ZNF223: variants seen among roughly 807,000 people sequenced by gnomAD.
ZNF223 encodes the protein zinc finger protein 223.
ZNF223 carries 9 observed loss-of-function variants against 12.3 expected under a neutral mutation model. The ratio of observed to expected loss-of-function variants is 0.73; its 90% CI spans 0.44 to 1.28. ZNF223 has a LOEUF of 1.28. Among genes scored for constraint, ZNF223 ranks in the 50% most tolerant of loss-of-function variants. The probability of loss-of-function intolerance (pLI) is 0.00; values close to 1 mark genes in which losing one functional copy is unlikely to be tolerated. For missense variants in ZNF223, 506 were observed against 579.0 expected (o/e 0.87, Z 1.29); for synonymous variants, 171 against 195.2 (o/e 0.88, Z 1.03).
intron 4 of ZNF223, among the ~76,000 whole-genome samples, chr19:44,061,293 A>T (rs1488388415): frequency 6.6e-6 from 1 of 152,188 alleles, no homozygotes; most frequent in Non-Finnish European, 1.5e-5. Flanking sequence ...AACTTAGATG[A>T]TTAAATAAGA....
intron 1 of ZNF223, among the ~76,000 whole-genome samples, chr19:44,053,230 G>A (rs1976723960): frequency 6.6e-6 from 1 of 152,118 alleles, no homozygotes; most frequent in African/African-American, 2.4e-5. Flanking sequence ...CCAGGGGACC[G>A]GCGCTCAGCA....
At chr19:44,062,569 C>T (rs1234929252) in intron 4 of ZNF223, among the ~76,000 whole-genome samples, 1 of 151,802 alleles carries the variant, frequency 6.6e-6, no homozygotes, top group African/African-American at 2.4e-5. Context: ...CCATTTTCAA[C>T]TTTCTTAGGT....
chr19:44,060,865 C>G (rs753684940), intron 4 of ZNF223, 24 bp downstream of exon 4: 2 of 1,596,616 alleles, frequency 1.3e-6, no homozygotes, highest in South Asian at 2.2e-5. Context: ...AACTGTGTGT[C>G]CTTGTTTGTG....
chr19:44,064,073 G>A (rs979228025), intron 4 of ZNF223, among the ~76,000 whole-genome samples: 2 of 152,156 alleles, frequency 1.3e-5, no homozygotes, highest in Non-Finnish European at 2.9e-5. Context: ...ACCTCTTTCA[G>A]TATAACCTGG....
chr19:44,066,368 G>C lies in ZNF223; in HGVS notation c.540G>C (p.Glu180Asp). The stretch of plus-strand genomic sequence containing the variant: ...CAGAGAAGTCTCATTCCTGTGATGA[G>C]TGTGGAAAAAGCTTCTGTTACATCT... ...RSAEKSHSCD[E>D]CGKSFCYISA... is the part of the protein sequence containing the mutation. The change falls in exon 5 of 5, where the codon GAG becomes GAC. Residue 180 changes from glutamate (E) to aspartate (D), a missense_variant. Physicochemically the swap from Glu to Asp is conservative, Grantham distance 45. Coordinates refer to ENST00000434772, the MANE Select transcript of ZNF223 (RefSeq NM_013361.6). The C allele has an allele frequency of 1.2e-6, 2 of 1,614,236 alleles. No individual in the cohort carries two copies. Among genetic ancestry groups the C allele is most frequent in the African/African-American group, 1.3e-5 (1 of 75,064 alleles).
chr19:44,055,069 C>A lies in ZNF223; in HGVS notation c.-68-40C>A, dbSNP rs10164320. The stretch of plus-strand genomic sequence containing the variant: ...GTTGGTGGGTGACATCCCTGGCCAC[C>A]CTTTCATGTCTCTTTTTCTGTCTTC... On this transcript the variant is annotated intron_variant, in intron 1 of 4. Coordinates refer to ENST00000434772, the MANE Select transcript of ZNF223 (RefSeq NM_013361.6). 5.8e-3 allele frequency: 6,454 copies of A among 1,109,838 alleles called. 254 individuals are homozygous for A. In the African/African-American group the frequency reaches 0.088, roughly 15 times the overall value. 68.7% of individuals were successfully genotyped at this position (1,109,838 alleles called of 1,614,324 possible).
intron 1 of ZNF223, among the ~76,000 whole-genome samples, chr19:44,052,834 T>A (rs1976719373): frequency 6.6e-6 from 1 of 151,870 alleles, no homozygotes; most frequent in African/African-American, 2.4e-5. Context: ...GTAGATAATA[T>A]TGGATATTAT....
At chr19:44,057,631 C>G (rs754003640) in intron 2 of ZNF223, among the ~76,000 whole-genome samples, 1 of 152,174 alleles carries the variant, frequency 6.6e-6, no homozygotes, top group Admixed American at 6.5e-5. Flanking sequence ...AGAGAGGGAA[C>G]AAGCCTTGTA....
At chr19:44,053,322 T>C (rs1482659656) in intron 1 of ZNF223, among the ~76,000 whole-genome samples, 1 of 152,060 alleles carries the variant, frequency 6.6e-6, no homozygotes, top group Admixed American at 6.6e-5. Flanking sequence ...GTGAGGGGGA[T>C]GTGGAAGGAC....
intron 4 of ZNF223, among the ~76,000 whole-genome samples, chr19:44,061,196 A>G (rs1368088396): frequency 1.3e-5 from 2 of 152,038 alleles, no homozygotes; most frequent in Non-Finnish European, 2.9e-5. Flanking sequence ...CTCATTCTCC[A>G]TCTTTTCTGG....
At position 44,060,757 on chromosome 19, in the gene ZNF223, C is replaced by A; in HGVS notation, c.151C>A (p.Pro51Thr). ...FRNLLSVGHQ[P>T]FHRDTFHFLR... ...ACTTTTCCTGTTTACAGGGCATCAA[C>A]CATTCCACCGAGATACTTTCCACTT... The change falls in exon 4 of 5, where the codon CCA (proline) becomes ACA (threonine). Residue 51 changes from proline to threonine, a missense_variant. Physicochemically the swap from Pro to Thr is conservative, Grantham distance 38. Coordinates refer to ENST00000434772, the MANE Select transcript of ZNF223 (RefSeq NM_013361.6). 1 of 1,612,740 alleles carries A rather than the reference C, an allele frequency of 6.2e-7. No individual in the cohort carries two copies. Among genetic ancestry groups the A allele is most frequent in the Non-Finnish European group, 8.5e-7 (1 of 1,179,606 alleles).
Position 44,066,752 on chromosome 19 carries a change from G to C in ZNF223, c.924G>C (p.Val308=). The C allele has an allele frequency of 6.2e-7, 1 of 1,614,162 alleles. No individual in the cohort carries two copies. The highest frequency in any genetic ancestry group is 1.1e-5 in the South Asian group (1 of 91,086). The part of the protein sequence containing the change: ...RLRSSLNRHC[V]VHTGKKPNST... The stretch of plus-strand genomic sequence containing the variant: ...GGTCAAGTCTTAATAGGCATTGTGT[G>C]GTCCACACAGGAAAGAAACCAAACA... The change falls in exon 5 of 5, where the codon GTG becomes GTC. Residue 308 remains valine, a synonymous_variant. Transcript: ENST00000434772.
chr19:44,051,741 C>T (rs1239552105), upstream of ZNF223: 2 of 152,210 alleles, frequency 1.3e-5, no homozygotes, highest in Admixed American at 6.5e-5. Context: ...GGACATTTTC[C>T]TTTTGCATCT....
In ZNF223 at chr19:44,056,585, ATTTTTTT is replaced by A. The variant is rs775187674; in HGVS notation, c.15+1414_15+1420del. ...TCCTTATGGCATAAAATGCCTCACC[ATTTTTTT>A]TTTTTTTTTTTTTTTTTTTGAGATA... On this transcript the variant is annotated intron_variant, in intron 2 of 4. Coordinates refer to ENST00000434772, the MANE Select transcript of ZNF223 (RefSeq NM_013361.6). 9.0e-3 allele frequency among the ~76,000 whole-genome samples: 647 copies of A among 72,136 alleles called. 3 individuals are homozygous for A. Among genetic ancestry groups the A allele is most frequent in the African/African-American group, 0.041 (615 of 14,878 alleles). 47.3% of individuals were successfully genotyped at this position (72,136 alleles called of 152,430 possible).
intron 4 of ZNF223, among the ~76,000 whole-genome samples, chr19:44,063,952 T>A (rs73558215): frequency 0.03 from 4,547 of 152,278 alleles, 227 homozygotes; most frequent in African/African-American, 0.1. Context: ...ATTTTCCAAG[T>A]TTCAACCTTT....
In ZNF223 at chr19:44,064,120, T is replaced by C. The variant is rs118106720; in HGVS notation, c.236-1944T>C. On this transcript the variant is annotated intron_variant, in intron 4 of 4. Coordinates refer to ENST00000434772, the MANE Select transcript of ZNF223 (RefSeq NM_013361.6). ...GCATGTAGGTGTATGTGAGTGACTTTAGCTGACATTTCATGTAACGACACC... is the reference window on the plus strand; with the variant it reads ...GCATGTAGGTGTATGTGAGTGACTTCAGCTGACATTTCATGTAACGACACC... Among the ~76,000 whole-genome samples, 1,133 of 152,322 alleles carry C rather than the reference T, an allele frequency of 7.4e-3. 8 individuals carry two copies. The highest frequency in any genetic ancestry group is 0.026 in the South Asian group (124 of 4,830).
At position 44,066,016 on chromosome 19, in the gene ZNF223, T is replaced by C. The variant is rs73558239; in HGVS notation, c.236-48T>C. 201 of 1,524,752 alleles carry C rather than the reference T, an allele frequency of 1.3e-4. 1 individual carries two copies. The African/African-American group carries it at 2.1e-3, about 16-fold the overall frequency. The allele number at this position is 1,524,752 out of a possible 1,614,324, so 94.5% of individuals were successfully genotyped here. A position where few individuals can be genotyped will look rare whatever the true frequency, so the allele number is the denominator to read the frequency against. ...CCTAAGTGTGAACTCTTAAAAACAC[T>C]GAACAGGGCATAGCTTGTCCTGATC... On this transcript the variant is annotated intron_variant, in intron 4 of 4. Transcript: ENST00000434772.
intron 4 of ZNF223, among the ~76,000 whole-genome samples, chr19:44,061,739 C>T (rs1459478713): frequency 6.6e-6 from 1 of 152,210 alleles, no homozygotes; most frequent in East Asian, 1.9e-4. Context: ...CTTTCAGGAA[C>T]AATTATGTTC....
Position 44,067,039 on chromosome 19 carries a change from A to G in ZNF223, c.1211A>G (p.Asp404Gly). ...HTGERPYNCDDCGKSFRQASS... is the reference protein window; with the variant it reads ...HTGERPYNCDGCGKSFRQASS... The stretch of plus-strand genomic sequence containing the variant: ...GGAGAGAGACCTTATAACTGTGATG[A>G]CTGTGGGAAGAGCTTTAGACAGGCC... Residue 404 changes from aspartate (D) to glycine (G), a missense_variant, in exon 5 of 5, where the codon GAC becomes GGC. By Grantham distance (94) the Asp-to-Gly change is moderately conservative. Coordinates refer to ENST00000434772, the MANE Select transcript of ZNF223 (RefSeq NM_013361.6). 2 of 1,614,176 alleles carry G rather than the reference A, an allele frequency of 1.2e-6. No homozygotes were observed.
Sources: gnomAD v4.1 joint callset for allele counts (sites outside exome capture counted in the v4.1 genomes callset) on GRCh38, gnomAD v4.1.1 for gene constraint, MANE v1.5 for transcripts, NCBI Gene and HGNC (gene_info 2026-07-23, HGNC 2026-07-21) for gene names.